The following TUNAR variants were observed in gnomAD, a reference collection of about 807,000 sequenced individuals.
TUNAR encodes protein TUNAR.
intron 2 of TUNAR, among the ~76,000 whole-genome samples, chr14:95,904,235 T>TG (rs1179851680): frequency 3.3e-5 from 5 of 152,020 alleles, no homozygotes; most frequent in African/African-American, 9.7e-5. Flanking sequence ...CTGGCTCCTG[T>TG]GGGGGGGCCT....
chr14:95,922,827 T>A (rs1889718661), exon 3 of TUNAR: 3 of 398,976 alleles, frequency 7.5e-6, no homozygotes, highest in Middle Eastern at 6.3e-4. Flanking sequence ...AAGATGGTAA[T>A]CACTAGTGAA....
intron 2 of TUNAR, among the ~76,000 whole-genome samples, chr14:95,882,924 C>A (rs1022815661): frequency 6.6e-6 from 1 of 152,184 alleles, no homozygotes; most frequent in Admixed American, 6.5e-5. Flanking sequence ...CCCCTGAGAG[C>A]ATCACGTGCA....
intron 2 of TUNAR, among the ~76,000 whole-genome samples, chr14:95,899,569 A>G (rs575124193): frequency 1.5e-4 from 23 of 152,278 alleles, no homozygotes; most frequent in Non-Finnish European, 2.9e-4. Flanking sequence ...TCTAAACTAC[A>G]CACATTTATT....
intron 2 of TUNAR, among the ~76,000 whole-genome samples, chr14:95,921,890 C>T (rs1226040055): frequency 6.6e-6 from 1 of 152,170 alleles, no homozygotes. Flanking sequence ...GGGCTTTGTT[C>T]TTCCTGTTGC....
intron 2 of TUNAR, among the ~76,000 whole-genome samples, chr14:95,896,988 T>C (rs980915121): frequency 6.6e-6 from 1 of 152,244 alleles, no homozygotes; most frequent in Non-Finnish European, 1.5e-5. Context: ...TGGAATTTGT[T>C]CCTTCAAATA....
chr14:95,909,415 CT>C (rs1362814066), intron 2 of TUNAR, among the ~76,000 whole-genome samples: 4 of 151,718 alleles, frequency 2.6e-5, no homozygotes, highest in Admixed American at 6.6e-5. Flanking sequence ...TCCCGAGTAG[CT>C]GGGACTTCGG....
exon 3 of TUNAR, chr14:95,924,029 T>A (rs562354721): frequency 6.6e-6 from 1 of 152,364 alleles, no homozygotes; most frequent in Admixed American, 6.5e-5. Context: ...CCGGCAGCGT[T>A]ATTGTTTCAT....
intron 2 of TUNAR, among the ~76,000 whole-genome samples, chr14:95,911,747 A>G (rs1487414299): frequency 6.6e-6 from 1 of 152,218 alleles, no homozygotes. Context: ...AAGAATTTGG[A>G]TAGAATAATC....
At chr14:95,925,203 A>C (rs1016738098) in exon 3 of TUNAR, 1 of 152,280 alleles carries the variant, frequency 6.6e-6, no homozygotes, top group Non-Finnish European at 1.5e-5. Context: ...AAGGGCTCAG[A>C]GAGGTCAAGA....
chr14:95,924,811 T>C (rs1889759222), exon 3 of TUNAR: 1 of 152,240 alleles, frequency 6.6e-6, no homozygotes, highest in Non-Finnish European at 1.5e-5. Flanking sequence ...CCAAACTCTA[T>C]CACCAGCCTT....
chr14:95,889,536 C>G (rs1889136166), intron 2 of TUNAR, among the ~76,000 whole-genome samples: 1 of 151,556 alleles, frequency 6.6e-6, no homozygotes, highest in Admixed American at 6.6e-5. Flanking sequence ...CTGCTGTCCT[C>G]TCCTAGGCTG....
At chr14:95,921,869 G>A (rs943036973) in intron 2 of TUNAR, among the ~76,000 whole-genome samples, 10 of 152,094 alleles carry the variant, frequency 6.6e-5, no homozygotes, top group Admixed American at 2.6e-4. Flanking sequence ...CTTTCCCTCC[G>A]CTAAGTGTCT....
At chr14:95,881,839 G>C (rs1160847590) in intron 2 of TUNAR, among the ~76,000 whole-genome samples, 1 of 152,164 alleles carries the variant, frequency 6.6e-6, no homozygotes, top group African/African-American at 2.4e-5. Flanking sequence ...GAAAATCCCT[G>C]AAATACTCTG....
chr14:95,883,933 G>C (rs1402814820), intron 2 of TUNAR, among the ~76,000 whole-genome samples: 1 of 152,054 alleles, frequency 6.6e-6, no homozygotes, highest in Non-Finnish European at 1.5e-5. Context: ...CATGCTTCCA[G>C]GTCGCTCTCA....
At chr14:95,904,343 G>A (rs1889399336) in intron 2 of TUNAR, among the ~76,000 whole-genome samples, 1 of 152,152 alleles carries the variant, frequency 6.6e-6, no homozygotes, top group East Asian at 1.9e-4. Context: ...AACATGCAAG[G>A]CCTGTGGAGG....
At chr14:95,907,199 T>C (rs1889440292) in intron 2 of TUNAR, among the ~76,000 whole-genome samples, 1 of 152,214 alleles carries the variant, frequency 6.6e-6, no homozygotes, top group Non-Finnish European at 1.5e-5. Flanking sequence ...CCTTCTCCTA[T>C]ATCTGAGCAT....
intron 2 of TUNAR, among the ~76,000 whole-genome samples, chr14:95,894,786 T>C (rs1889233867): frequency 6.6e-6 from 1 of 152,172 alleles, no homozygotes; most frequent in African/African-American, 2.4e-5. Flanking sequence ...AAAGGACTCT[T>C]TTAAGCAAGG....
At position 95,906,077 on chromosome 14, in the gene TUNAR, G is replaced by T. The variant is rs1889423028; in HGVS notation, c.13-16704G>T. 1.3e-5 allele frequency among the ~76,000 whole-genome samples: 2 copies of T among 152,152 alleles called. 1 individual carries two copies. The highest frequency in any genetic ancestry group is 4.2e-4 in the South Asian group (2 of 4,814). ...TTTGGAAGACTTCCTTAACTTTCTG[G>T]TATCACAAGATGTTCAAGGCTTATC... On this transcript the variant is annotated intron_variant, in intron 2 of 2. Coordinates refer to ENST00000678517, the Ensembl canonical transcript of TUNAR.
At chr14:95,882,047 G>A (rs1479507835) in intron 2 of TUNAR, among the ~76,000 whole-genome samples, 1 of 152,198 alleles carries the variant, frequency 6.6e-6, no homozygotes, top group East Asian at 1.9e-4. Context: ...TTGTTGATAG[G>A]TGATGAGAAA....
Sources: allele counts gnomAD v4.1 joint callset (sites outside exome capture counted in the v4.1 genomes callset), GRCh38; gene constraint gnomAD v4.1.1; transcripts MANE v1.5; gene names NCBI Gene and HGNC (gene_info 2026-07-23, HGNC 2026-07-21).